MMRN2: variants seen among roughly 807,000 people sequenced by gnomAD.
MMRN2 encodes the protein multimerin-2.
MMRN2 carries 53 observed loss-of-function variants against 68.8 expected under a neutral mutation model. That is an observed-to-expected ratio of 0.77 (90% CI 0.62 to 0.97). The LOEUF is 0.97. MMRN2 is among the 50% of genes least tolerant of loss of function. The pLI is 0.00. For synonymous variants in MMRN2, 564 were observed against 551.6 expected, an observed-to-expected ratio of 1.02 and a Z score of -0.32; for missense variants, 1,266 against 1,259.5, an observed-to-expected ratio of 1.01 and a Z score of -0.08.
At chr10:86,946,928 G>A (rs960860137) in intron 1 of MMRN2, among the ~76,000 whole-genome samples, 1 of 152,132 alleles carries the variant, frequency 6.6e-6, no homozygotes, top group Non-Finnish European at 1.5e-5. Context: ...CCAGAAAGTC[G>A]GATGAGGCAC....
intron 1 of MMRN2, among the ~76,000 whole-genome samples, chr10:86,951,644 A>C (rs1414475093): frequency 1.3e-5 from 2 of 152,248 alleles, no homozygotes; most frequent in African/African-American, 4.8e-5. Flanking sequence ...GATTTGGCCC[A>C]CTGGCCATAG....
At chr10:86,937,988 G>A (rs1843904508) in intron 6 of MMRN2, among the ~76,000 whole-genome samples, 1 of 152,142 alleles carries the variant, frequency 6.6e-6, no homozygotes, top group Admixed American at 6.5e-5. Context: ...CCAGACTGGA[G>A]TGCATTGGCG....
At chr10:86,952,779 G>T (rs1844162644) in intron 1 of MMRN2, among the ~76,000 whole-genome samples, 1 of 152,170 alleles carries the variant, frequency 6.6e-6, no homozygotes, top group Non-Finnish European at 1.5e-5. Context: ...GGGTTTGAGA[G>T]CAGAGAACCA....
At chr10:86,945,850 C>G (rs1249375275) in intron 1 of MMRN2, 161 bp from the exon 2 acceptor site, 3 of 1,448,698 alleles carry the variant, frequency 2.1e-6, no homozygotes, top group Non-Finnish European at 2.7e-6. Context: ...TCCCTGGGCT[C>G]CAGAGCAAAT....
chr10:86,953,162 A>T (rs78293357), intron 1 of MMRN2, among the ~76,000 whole-genome samples: 3,567 of 152,258 alleles, frequency 0.023, 129 homozygotes, highest in African/African-American at 0.079. Context: ...CATATTATTA[A>T]AACACACGTT....
Position 86,945,211 on chromosome 10 carries a change from T to C in MMRN2, c.458A>G (p.Asp153Gly), listed in dbSNP as rs200625227. The C allele has an allele frequency of 5.3e-5, 85 of 1,613,720 alleles. No individual in the cohort carries two copies. In the African/African-American group the frequency reaches 9.7e-4, roughly 18 times the overall value. ...ACCAGGTTTGAAGCTGACTGGTCCATCCTGAGGTTCCTGGTGGCTGTCACC... is the reference window on the plus strand; with the variant it reads ...ACCAGGTTTGAAGCTGACTGGTCCACCCTGAGGTTCCTGGTGGCTGTCACC... Reference protein sequence around the residue: ...DPGDSHQEPQDGPVSFKPGHL... With the variant: ...DPGDSHQEPQGGPVSFKPGHL... Residue 153 changes from aspartate (D) to glycine (G), a missense_variant, in exon 4 of 7, where the codon GAT (aspartate) becomes GGT (glycine). Transcript: ENST00000372027.
chr10:86,938,164 G>T (rs1843907547), intron 6 of MMRN2, among the ~76,000 whole-genome samples: 1 of 152,200 alleles, frequency 6.6e-6, no homozygotes, highest in Non-Finnish European at 1.5e-5. Context: ...AAACTCCTGA[G>T]CTCAAGCGGT....
chr10:86,940,921 A>G (rs929276930), intron 6 of MMRN2, among the ~76,000 whole-genome samples: 2 of 152,238 alleles, frequency 1.3e-5, no homozygotes, highest in African/African-American at 4.8e-5. Flanking sequence ...TTGGTTGCAC[A>G]TGCCTTCAGC....
intron 1 of MMRN2, among the ~76,000 whole-genome samples, chr10:86,956,335 C>T (rs922732080): frequency 2.6e-5 from 4 of 152,354 alleles, no homozygotes; most frequent in African/African-American, 9.6e-5. Context: ...TTCAGGAAAG[C>T]ACCCAACAAA....
rs1844014587 is a variant in MMRN2 at position 86,943,541 on chromosome 10, G to T, written c.1243C>A (p.Leu415Met). 6.2e-7 allele frequency: 1 copy of T among 1,614,124 alleles called. No homozygotes were observed. Among genetic ancestry groups the T allele is most frequent in the Admixed American group, 1.7e-5 (1 of 60,010 alleles). Residue 415 changes from leucine (L) to methionine (M), a missense_variant, in exon 6 of 7, where the codon CTG becomes ATG. Transcript: ENST00000372027. This position sits in a 1 kb window ranked among gnomAD's most constrained non-coding sequence, Gnocchi z 4.2. Reference sequence around the variant, plus strand: ...AAAGTCTCGTCCGATTCGGAGTACAGTTCCTTGATCTCATCCACGTGCCGG... The same window carrying T: ...AAAGTCTCGTCCGATTCGGAGTACATTTCCTTGATCTCATCCACGTGCCGG... ...LTRHVDEIKE[L>M]YSESDETFDQ... is the part of the protein sequence containing the mutation.
intron 1 of MMRN2, chr10:86,945,928 C>A (rs1844062029): frequency 8.6e-7 from 1 of 1,164,632 alleles, no homozygotes; most frequent in African/African-American, 1.6e-5. Context: ...CCCGAGCCAG[C>A]AGAGAGGCTG....
At chr10:86,939,841 G>GTT (rs1336228850) in intron 6 of MMRN2, among the ~76,000 whole-genome samples, 4 of 137,078 alleles carry the variant, frequency 2.9e-5, no homozygotes, top group Non-Finnish European at 1.5e-5. Context: ...GTGTGTGTTT[G>GTT]TGTGTGTGTG....
Position 86,945,596 on chromosome 10 carries a change from C to T in MMRN2, c.258G>A (p.Pro86=), listed in dbSNP as rs142036892. ...KFLIHSQQPC[P]QGAPDCQKVK... ...CTTTCTGGCAGTCTGGAGCTCCCTGCGGACACGGCTGCTGCGAGTGGATGA... is the reference window on the plus strand; with the variant it reads ...CTTTCTGGCAGTCTGGAGCTCCCTGTGGACACGGCTGCTGCGAGTGGATGA... Residue 86 remains proline (P), a synonymous_variant, in exon 2 of 7, where the codon CCG becomes CCA. Coordinates refer to ENST00000372027, the MANE Select transcript of MMRN2 (RefSeq NM_024756.3). 4.3e-5 allele frequency: 70 copies of T among 1,610,018 alleles called. No homozygotes were observed. Among genetic ancestry groups the T allele is most frequent in the East Asian group, 3.8e-4 (17 of 44,814 alleles).
At position 86,943,642 on chromosome 10, in the gene MMRN2, G is replaced by A. The variant is rs774749115; in HGVS notation, c.1142C>T (p.Ser381Leu). 11 of 1,613,314 alleles carry A rather than the reference G, an allele frequency of 6.8e-6. No homozygotes were observed. The highest frequency in any genetic ancestry group is 9.3e-6 in the Non-Finnish European group (11 of 1,179,994). ...ARLGQLQRNL[S>L]ELHMTTARRE... ...GCGGGCCGTGGTCATGTGCAGCTCT[G>A]AGAGGTTCCTCTGCAGCTGGCCCAG... Residue 381 changes from serine (S) to leucine (L), a missense_variant, in exon 6 of 7, where the codon TCA (serine) becomes TTA (leucine). Ser to Leu is a moderately radical substitution (Grantham distance 145). Transcript: ENST00000372027. This position sits in a 1 kb window ranked among gnomAD's most constrained non-coding sequence, Gnocchi z 4.2.
chr10:86,944,530 G>A, intron 4 of MMRN2, 95 bp from the exon 5 acceptor site: 1 of 1,376,088 alleles, frequency 7.3e-7, no homozygotes, highest in Non-Finnish European at 1.0e-6. Context: ...CTGAGAGCAG[G>A]GAAGTTAGCT....
Position 86,942,970 on chromosome 10 carries a change from C to T in MMRN2, c.1814G>A (p.Arg605Gln), listed in dbSNP as rs1166324242. The T allele has an allele frequency of 1.6e-5, 24 of 1,490,534 alleles. No individual in the cohort carries two copies. Among genetic ancestry groups the T allele is most frequent in the Non-Finnish European group, 2.1e-5 (24 of 1,121,358 alleles). 92.3% of individuals were successfully genotyped at this position (1,490,534 alleles called of 1,614,324 possible). A position where few individuals can be genotyped will look rare whatever the true frequency, so the allele number is the denominator to read the frequency against. ...AFAALLEDAL[R>Q]HEAVLAALFG... ...GAGCGCGGCCAGCACCGCCTCGTGC[C>T]GCAGCGCGTCCTCCAGCAGGGCGGC... Residue 605 changes from arginine to glutamine, a missense_variant, in exon 6 of 7, where the codon CGG becomes CAG. Arg to Gln is a conservative substitution (Grantham distance 43). Transcript: ENST00000372027.
intron 4 of MMRN2, chr10:86,944,649 C>T: frequency 1.8e-6 from 1 of 563,770 alleles, no homozygotes; most frequent in Non-Finnish European, 3.1e-6. Flanking sequence ...CATGACTAAT[C>T]AATCATGGTA....
intron 6 of MMRN2, among the ~76,000 whole-genome samples, chr10:86,941,798 TAA>T (rs55898424): frequency 0.51 from 58,974 of 114,690 alleles, 13,853 homozygotes; most frequent in South Asian, 0.54. Context: ...AGACCCATCT[TAA>T]AAAAAAAAAA....
In MMRN2 at chr10:86,942,303, G is replaced by A; in HGVS notation, c.2467+14C>T. Reference sequence around the variant, plus strand: ...CTCCTAGGCTCGTCCAGTCTCCCCAGCCCAGGAACTCACCTGCCTCCCAGA... The same window carrying A: ...CTCCTAGGCTCGTCCAGTCTCCCCAACCCAGGAACTCACCTGCCTCCCAGA... On this transcript the variant is annotated intron_variant, in intron 6 of 6. Transcript: ENST00000372027. 1.3e-6 allele frequency: 2 copies of A among 1,597,288 alleles called. No homozygotes were observed. The highest frequency in any genetic ancestry group is 1.7e-6 in the Non-Finnish European group (2 of 1,170,978).
Sources: gnomAD v4.1 joint callset for allele counts (sites outside exome capture counted in the v4.1 genomes callset) on GRCh38, gnomAD v4.1.1 for gene constraint, Gnocchi (gnomAD v3.1) non-coding constraint, MANE v1.5 for transcripts, NCBI Gene and HGNC (gene_info 2026-07-23, HGNC 2026-07-21) for gene names.